Variants in SYT14 observed in about 807,000 individuals in gnomAD.
SYT14 encodes synaptotagmin 14.
A neutral mutation model predicts 74.2 loss-of-function variants in SYT14; 32 were observed. The ratio of observed to expected loss-of-function variants is 0.43; its 90% CI spans 0.33 to 0.58. SYT14 has a LOEUF of 0.58. Among genes scored for constraint, SYT14 ranks in the 20% least tolerant of loss-of-function variants. SYT14 has a pLI of 0.05. For synonymous variants in SYT14, 298 were observed against 337.7 expected, an observed-to-expected ratio of 0.88 and a Z score of 1.29; for missense variants, 791 against 981.8, an observed-to-expected ratio of 0.81 and a Z score of 2.60.
exon 10 of SYT14, chr1:210,161,032 T>C: frequency 6.2e-7 from 1 of 1,613,672 alleles, no homozygotes; most frequent in South Asian, 1.1e-5. Context: ...CATGCGTTGC[T>C]AGAGTCATGA....
intron 2 of SYT14, among the ~76,000 whole-genome samples, chr1:209,994,997 T>C (rs1376720359): frequency 6.6e-6 from 1 of 152,186 alleles, no homozygotes; most frequent in African/African-American, 2.4e-5. Context: ...AAGGGAGTGC[T>C]AAACATGGAA....
intron 2 of SYT14, among the ~76,000 whole-genome samples, chr1:209,966,660 T>TA (rs1350423123): frequency 6.6e-6 from 1 of 152,240 alleles, no homozygotes; most frequent in Non-Finnish European, 1.5e-5. Context: ...GAAATACAGT[T>TA]ACGTTTTATA....
intron 7 of SYT14, among the ~76,000 whole-genome samples, chr1:210,113,784 A>C (rs2082308159): frequency 6.6e-6 from 1 of 151,156 alleles, no homozygotes; most frequent in South Asian, 2.1e-4. Context: ...AAATGTCTCC[A>C]CCTAATAAGG....
chr1:209,947,082 G>A (rs943971445), intron 1 of SYT14, among the ~76,000 whole-genome samples: 1 of 152,160 alleles, frequency 6.6e-6, no homozygotes, highest in Non-Finnish European at 1.5e-5. Flanking sequence ...GAAAAAAGAT[G>A]CCTTTCAAAA....
At chr1:209,981,963 C>G (rs554688465) in intron 2 of SYT14, among the ~76,000 whole-genome samples, 1 of 151,802 alleles carries the variant, frequency 6.6e-6, no homozygotes, top group South Asian at 2.1e-4. Flanking sequence ...TGTTTGTTTT[C>G]TATAGTATCT....
chr1:209,976,139 C>G (rs1233434449), intron 2 of SYT14, among the ~76,000 whole-genome samples: 1 of 151,696 alleles, frequency 6.6e-6, no homozygotes, highest in Non-Finnish European at 1.5e-5. Context: ...TTTTTTTGAT[C>G]TTTTCAAAAA....
chr1:210,066,913 T>A (rs1306885031), intron 5 of SYT14, among the ~76,000 whole-genome samples: 1 of 152,054 alleles, frequency 6.6e-6, no homozygotes, highest in Non-Finnish European at 1.5e-5. Context: ...TCATAAAAAA[T>A]TTTTCATTTT....
intron 2 of SYT14, among the ~76,000 whole-genome samples, chr1:209,975,432 G>A (rs1021330189): frequency 6.6e-6 from 1 of 152,096 alleles, no homozygotes; most frequent in Non-Finnish European, 1.5e-5. Flanking sequence ...GTTGAATTTT[G>A]TCAAAGGCCT....
intron 7 of SYT14, among the ~76,000 whole-genome samples, chr1:210,121,587 G>A (rs1458097835): frequency 6.6e-6 from 1 of 152,112 alleles, no homozygotes; most frequent in African/African-American, 2.4e-5. Context: ...AAGGTCAGGA[G>A]ATTGAGACCA....
intron 2 of SYT14, among the ~76,000 whole-genome samples, chr1:210,007,073 T>C (rs757387390): frequency 6.6e-6 from 1 of 151,930 alleles, no homozygotes; most frequent in African/African-American, 2.4e-5. Context: ...GACCAACTTA[T>C]CTGTAGAAAT....
At chr1:210,001,875 G>T (rs965148654) in intron 2 of SYT14, among the ~76,000 whole-genome samples, 1 of 152,154 alleles carries the variant, frequency 6.6e-6, no homozygotes, top group Non-Finnish European at 1.5e-5. Context: ...ACTGTGGAAT[G>T]AACTAGTAGG....
chr1:210,161,335 G>A (rs1340059999), exon 10 of SYT14: 6 of 515,120 alleles, frequency 1.2e-5, no homozygotes, highest in Non-Finnish European at 2.2e-5. Context: ...TTTTAATTTA[G>A]CAAAAGAGCC....
intron 2 of SYT14, among the ~76,000 whole-genome samples, chr1:209,971,429 G>C (rs765782965): frequency 4.6e-5 from 7 of 152,160 alleles, no homozygotes; most frequent in African/African-American, 7.2e-5. Flanking sequence ...TGTTGAATAA[G>C]AGTGGTGAGA....
exon 10 of SYT14, chr1:210,161,128 G>A: frequency 7.0e-7 from 1 of 1,432,036 alleles, no homozygotes. Flanking sequence ...CATTAGAAGA[G>A]CTGTTCTTTG....
chr1:210,151,512 C>CCA (rs1553289535), intron 7 of SYT14, among the ~76,000 whole-genome samples: 2 of 137,066 alleles, frequency 1.5e-5, no homozygotes, highest in African/African-American at 3.0e-5. Context: ...ATGCCCCCCC[C>CCA]CTTTTTTTTT....
At chr1:209,941,427 A>G (rs527380261) in intron 1 of SYT14, among the ~76,000 whole-genome samples, 1 of 152,186 alleles carries the variant, frequency 6.6e-6, no homozygotes, top group Non-Finnish European at 1.5e-5. Flanking sequence ...GTTGGGAATC[A>G]TTGTTGTAGC....
chr1:209,956,897 C>G (rs1429441219), intron 2 of SYT14, among the ~76,000 whole-genome samples: 1 of 151,906 alleles, frequency 6.6e-6, no homozygotes, highest in Non-Finnish European at 1.5e-5. Context: ...GTTGTGAATC[C>G]TCTGATTTTG....
chr1:210,032,742 T>TTG (rs72504320), intron 5 of SYT14, among the ~76,000 whole-genome samples: 1 of 151,358 alleles, frequency 6.6e-6, no homozygotes, highest in African/African-American at 2.4e-5. Context: ...ATCAATTCTG[T>TTG]TTTTTTATTT....
intron 5 of SYT14, among the ~76,000 whole-genome samples, chr1:210,065,827 T>G (rs1263393015): frequency 6.6e-6 from 1 of 151,810 alleles, no homozygotes; most frequent in African/African-American, 2.4e-5. Flanking sequence ...CTGCACCCAT[T>G]AACTCGTCAT....
Sources: gnomAD v4.1 joint callset for allele counts (sites outside exome capture counted in the v4.1 genomes callset) on GRCh38, gnomAD v4.1.1 for gene constraint, MANE v1.5 for transcripts, NCBI Gene and HGNC (gene_info 2026-07-23, HGNC 2026-07-21) for gene names.